DOCK1: variants seen among roughly 807,000 people sequenced by gnomAD.
DOCK1 encodes dedicator of cytokinesis protein 1.
DOCK1 carries 138 observed loss-of-function variants against 262.7 expected under a neutral mutation model. The observed-to-expected ratio is 0.53, with a 90% CI of 0.46 to 0.61. The LOEUF is 0.61. Ranked by LOEUF, DOCK1 falls within the 20% of genes least tolerant of loss-of-function variation. The pLI, the probability that DOCK1 is intolerant of heterozygous loss-of-function variation, is 0.00. For synonymous variants in DOCK1, 866 were observed against 867.4 expected (o/e 1.00, Z 0.03); for missense variants, 1,908 against 2,370.7 (o/e 0.80, Z 4.05).
chr10:127,378,975 A>G (rs1171614973), intron 35 of DOCK1, among the ~76,000 whole-genome samples: 1 of 152,240 alleles, frequency 6.6e-6, no homozygotes, highest in Non-Finnish European at 1.5e-5. Context: ...CAATTGTAGA[A>G]GCAATGCTGG....
chr10:127,361,076 G>A (rs1463021232), intron 32 of DOCK1, among the ~76,000 whole-genome samples: 1 of 147,540 alleles, frequency 6.8e-6, no homozygotes, highest in East Asian at 2.0e-4. Flanking sequence ...TCTGGAACAA[G>A]ATAGGTGAAA....
intron 23 of DOCK1, among the ~76,000 whole-genome samples, chr10:127,082,534 A>G (rs1199972933): frequency 6.6e-6 from 1 of 152,106 alleles, no homozygotes; most frequent in Admixed American, 6.6e-5. Flanking sequence ...CTTATTCACT[A>G]TCATACTGTC....
At chr10:126,926,237 G>A (rs1051615744) in intron 1 of DOCK1, among the ~76,000 whole-genome samples, 1 of 151,472 alleles carries the variant, frequency 6.6e-6, no homozygotes, top group Non-Finnish European at 1.5e-5. Context: ...TTTGTCTTCT[G>A]TTTTCTTTTC....
chr10:127,434,161 T>TC (rs1491264567), intron 48 of DOCK1, among the ~76,000 whole-genome samples: 1 of 151,980 alleles, frequency 6.6e-6, no homozygotes, highest in Non-Finnish European at 1.5e-5. Context: ...TTTTTTTTTT[T>TC]CTTTTCCTCC....
At chr10:127,002,704 A>G (rs535693365) in intron 10 of DOCK1, among the ~76,000 whole-genome samples, 3 of 152,222 alleles carry the variant, frequency 2.0e-5, no homozygotes, top group South Asian at 4.2e-4. Context: ...GTTGGCTGAG[A>G]CACTACATCT....
At chr10:127,396,884 G>A (rs575125620) in intron 38 of DOCK1, among the ~76,000 whole-genome samples, 52 of 152,304 alleles carry the variant, frequency 3.4e-4, no homozygotes, top group African/African-American at 1.2e-3. Flanking sequence ...TAAGTGACCC[G>A]GGCAGTGACT....
At chr10:127,098,739 G>T (rs1264724076) in intron 23 of DOCK1, among the ~76,000 whole-genome samples, 1 of 152,090 alleles carries the variant, frequency 6.6e-6, no homozygotes, top group Non-Finnish European at 1.5e-5. Context: ...ATTTTTGGAG[G>T]TGTCTTTCGG....
At chr10:127,059,562 C>T (rs2045396746) in intron 22 of DOCK1, among the ~76,000 whole-genome samples, 1 of 152,120 alleles carries the variant, frequency 6.6e-6, no homozygotes, top group South Asian at 2.1e-4. Context: ...CTTGCTGTGT[C>T]TACTCTCTAT....
Position 127,418,508 on chromosome 10 carries a change from A to C in DOCK1, c.4659A>C (p.Pro1553=). The C allele has an allele frequency of 1.2e-6, 2 of 1,614,088 alleles. No homozygotes were observed. Among genetic ancestry groups the C allele is most frequent in the South Asian group, 1.1e-5 (1 of 91,084 alleles). Residue 1553 remains proline, a synonymous_variant, in exon 45 of 52, where the codon CCA becomes CCC. Transcript: ENST00000623213. ...TGCTCCTGAACGGCATCGTGGACCC[A>C]GCTGTCATGGGGGGCTTCGCAAACT... ...LSMLLNGIVD[P]AVMGGFANYE... is the part of the protein sequence containing the mutation.
chr10:127,381,148 T>A (rs2065803878), intron 36 of DOCK1, 130 bp from the exon 37 acceptor site: 1 of 697,610 alleles, frequency 1.4e-6, no homozygotes, highest in Non-Finnish European at 2.1e-6. Flanking sequence ...TAAGGCATTT[T>A]GAATTATGAA....
chr10:127,049,914 C>T (rs993495426), intron 21 of DOCK1, among the ~76,000 whole-genome samples: 2 of 150,400 alleles, frequency 1.3e-5, no homozygotes, highest in South Asian at 4.2e-4. Flanking sequence ...CACAATAGAC[C>T]TTCGATTTTG....
chr10:127,393,573 C>G (rs376255462), intron 38 of DOCK1, among the ~76,000 whole-genome samples: 1 of 152,032 alleles, frequency 6.6e-6, no homozygotes, highest in Non-Finnish European at 1.5e-5. Flanking sequence ...CTGTGCTCCC[C>G]GGGAGAGTGG....
At position 126,936,142 on chromosome 10, in the gene DOCK1, T is replaced by G. The variant is rs908329347; in HGVS notation, c.46+30579T>G. Among the ~76,000 whole-genome samples the G allele has an allele frequency of 4.5e-3, 681 of 152,212 alleles. 6 individuals carry two copies. The highest frequency in any genetic ancestry group is 0.016 in the African/African-American group (646 of 41,532). ...ACTACAGGTGCACACCACCATACTT[T>G]GCTAATTTTTAAACATTTTGTACAG... is the stretch of plus-strand genomic sequence containing the variant. On this transcript the variant is annotated intron_variant, in intron 1 of 51. Transcript: ENST00000623213.
At chr10:127,286,450 T>C (rs2061156058) in intron 29 of DOCK1, among the ~76,000 whole-genome samples, 1 of 152,212 alleles carries the variant, frequency 6.6e-6, no homozygotes, top group Non-Finnish European at 1.5e-5. Context: ...TTAAACTTTT[T>C]ATTATCAAAA....
At position 126,995,508 on chromosome 10, in the gene DOCK1, C is replaced by G. The variant is rs1037566771; in HGVS notation, c.474-1240C>G. 1.1e-4 allele frequency among the ~76,000 whole-genome samples: 16 copies of G among 152,144 alleles called. No individual in the cohort carries two copies. Among genetic ancestry groups the G allele is most frequent in the African/African-American group, 3.9e-4 (16 of 41,424 alleles). On this transcript the variant is annotated intron_variant, in intron 6 of 51. Transcript: ENST00000623213. This position sits in a 1 kb window ranked among gnomAD's most constrained non-coding sequence, Gnocchi z 5.8. ...TACGAAAACCAGTCAGGTGTGGCGG[C>G]GCGCGCCTGCAATCCCAGGCACTCC...
intron 27 of DOCK1, among the ~76,000 whole-genome samples, chr10:127,155,025 T>C (rs1417311169): frequency 1.3e-5 from 2 of 152,160 alleles, no homozygotes; most frequent in Admixed American, 1.3e-4. Flanking sequence ...GGCACAGACA[T>C]GATAACCGGA....
At chr10:127,242,730 GT>G (rs1241432853) in intron 27 of DOCK1, among the ~76,000 whole-genome samples, 1 of 152,056 alleles carries the variant, frequency 6.6e-6, no homozygotes, top group African/African-American at 2.4e-5. Flanking sequence ...TATAAGATGG[GT>G]TTATTTTCAT....
chr10:127,249,376 CAT>C (rs886672991), intron 28 of DOCK1, among the ~76,000 whole-genome samples: 6 of 127,514 alleles, frequency 4.7e-5, no homozygotes, highest in Non-Finnish European at 9.7e-5. Flanking sequence ...TATATATACA[CAT>C]ATGTACATAT....
chr10:127,339,017 G>T lies in DOCK1; in HGVS notation c.3056G>T (p.Arg1019Leu). Residue 1019 changes from arginine (R) to leucine (L), a missense_variant, in exon 30 of 52, where the codon CGA (arginine) becomes CTA (leucine). Around this residue, in one of 9 missense-constraint regions of DOCK1, gnomAD observed 518 missense variants for 575.1 expected, o/e 0.90. Coordinates refer to ENST00000623213, the MANE Select transcript of DOCK1 (RefSeq NM_001290223.2). Reference sequence around the variant, plus strand: ...TCTTGATCTTTCAGAGTCTTCCTGCGAGCAATTAATCAGTATGCAGATATG... The same window carrying T: ...TCTTGATCTTTCAGAGTCTTCCTGCTAGCAATTAATCAGTATGCAGATATG... ...MNMVQNKVFL[R>L]AINQYADMLN... 6.3e-7 allele frequency: 1 copy of T among 1,580,214 alleles called. No individual in the cohort carries two copies. Among genetic ancestry groups the T allele is most frequent in the South Asian group, 1.2e-5 (1 of 85,878 alleles).
Sources: gnomAD v4.1 joint callset for allele counts (sites outside exome capture counted in the v4.1 genomes callset) on GRCh38, gnomAD v4.1.1 for gene constraint, gnomAD v4.1.1 regional missense constraint, Gnocchi (gnomAD v3.1) non-coding constraint, MANE v1.5 for transcripts, NCBI Gene and HGNC (gene_info 2026-07-23, HGNC 2026-07-21) for gene names.